NXPE3: variants seen among roughly 807,000 people sequenced by gnomAD.
The protein encoded by NXPE3 is NXPE family member 3.
NXPE3 carries 26 observed loss-of-function variants against 46.1 expected under a neutral mutation model. The ratio of observed to expected loss-of-function variants is 0.56; its 90% CI spans 0.41 to 0.78. NXPE3 has a LOEUF of 0.78. NXPE3 is among the 30% of genes least tolerant of loss of function. NXPE3 has a pLI of 0.00. For synonymous variants in NXPE3, 272 were observed against 257.9 expected (o/e 1.05, Z -0.52); for missense variants, 620 against 686.0 (o/e 0.90, Z 1.07).
Position 101,786,244 on chromosome 3 carries a change from C to G in NXPE3, c.93+555C>G, listed in dbSNP as rs371177914. On this transcript the variant is annotated intron_variant, in intron 4 of 7. Transcript: ENST00000273347. ...CCTTCTTCCCTGTCCCCAGCCCCAA[C>G]ATGAACTCATATAACCAAAATTTAT... Among the ~76,000 whole-genome samples, 6 of 152,322 alleles carry G rather than the reference C, an allele frequency of 3.9e-5. No individual in the cohort carries two copies. The East Asian group carries it at 1.2e-3, about 29-fold the overall frequency.
At chr3:101,796,765 G>C (rs1027748321) in intron 4 of NXPE3, among the ~76,000 whole-genome samples, 1 of 152,164 alleles carries the variant, frequency 6.6e-6, no homozygotes, top group African/African-American at 2.4e-5. Context: ...GTGTATGTTA[G>C]TATAAAATCA....
chr3:101,811,729 T>A (rs1266738637), intron 6 of NXPE3, among the ~76,000 whole-genome samples: 1 of 135,436 alleles, frequency 7.4e-6, no homozygotes, highest in African/African-American at 2.9e-5. Flanking sequence ...AGTAGTTAAT[T>A]TTTTTTTTTT....
chr3:101,817,131 C>A, intron 7 of NXPE3, 130 bp downstream of exon 7: 1 of 779,874 alleles, frequency 1.3e-6, no homozygotes, highest in South Asian at 1.6e-5. Context: ...TAAAGAGGTA[C>A]CCAAACCCTG....
In NXPE3 at chr3:101,825,593, A is replaced by G. The variant is rs1255387736; in HGVS notation, c.*3639A>G. ...TTTCTTGCAGGTTTTTTAACCATAT[A>G]CTTATAGAGAATATGTAATTTGGGT... On this transcript the variant is annotated 3_prime_UTR_variant, in exon 8 of 8. Transcript: ENST00000273347. The G allele has an allele frequency of 6.6e-6, 1 of 152,144 alleles. No homozygotes were observed. The allele number at this position is 152,144 out of a possible 1,614,324, so 9.4% of individuals were successfully genotyped here.
chr3:101,798,777 T>A (rs1458874365), intron 4 of NXPE3, among the ~76,000 whole-genome samples: 1 of 151,780 alleles, frequency 6.6e-6, no homozygotes, highest in Non-Finnish European at 1.5e-5. Context: ...CACACCCAGC[T>A]AAATTTTTGT....
chr3:101,781,854 T>A (rs1939842147), intron 1 of NXPE3: 1 of 152,212 alleles, frequency 6.6e-6, no homozygotes, highest in African/African-American at 2.4e-5. Flanking sequence ...TTCACTTATA[T>A]CGCTGTTTAT....
intron 1 of NXPE3, among the ~76,000 whole-genome samples, chr3:101,781,160 G>A (rs1437245702): frequency 6.6e-6 from 1 of 152,122 alleles, no homozygotes. Flanking sequence ...TATATATTCT[G>A]AACTAAAGTT....
At position 101,827,532 on chromosome 3, in the gene NXPE3, C is replaced by T. The variant is rs3888027; in HGVS notation, c.*5578C>T. 2.0e-5 allele frequency: 3 copies of T among 152,260 alleles called. No individual in the cohort carries two copies. Among genetic ancestry groups the T allele is most frequent in the Non-Finnish European group, 2.9e-5 (2 of 68,052 alleles). 9.4% of individuals were successfully genotyped at this position (152,260 alleles called of 1,614,324 possible). ...GGTAACTCCCTCCACCCGCCCACTG[C>T]ACCCTCACGTTTAGGGGCCACACAG... On this transcript the variant is annotated 3_prime_UTR_variant, in exon 8 of 8. Coordinates refer to ENST00000273347, the MANE Select transcript of NXPE3 (RefSeq NM_145037.4).
At chr3:101,797,574 C>A (rs1410544143) in intron 4 of NXPE3, among the ~76,000 whole-genome samples, 1 of 108,218 alleles carries the variant, frequency 9.2e-6, no homozygotes, top group Non-Finnish European at 1.9e-5. Flanking sequence ...TCCCTCCCCC[C>A]TCCCCCGACC....
rs2107372048 is a variant in NXPE3, at chr3:101,823,886, G to A, written c.*1932G>A. ...TGGGCGGATTGCTTGAGCCCGGAAG[G>A]TCAAGACCAGCCTGGGTGCCATGGT... On this transcript the variant is annotated 3_prime_UTR_variant, in exon 8 of 8. Transcript: ENST00000273347. 6.6e-6 allele frequency: 1 copy of A among 151,790 alleles called. No individual in the cohort carries two copies. Among genetic ancestry groups the A allele is most frequent in the South Asian group, 2.1e-4 (1 of 4,796 alleles). The allele number at this position is 151,790 out of a possible 1,614,324, so 9.4% of individuals were successfully genotyped here. A position where few individuals can be genotyped will look rare whatever the true frequency, so the allele number is the denominator to read the frequency against.
chr3:101,805,309 TTAAC>T (rs1237331753), intron 5 of NXPE3, among the ~76,000 whole-genome samples: 1 of 152,140 alleles, frequency 6.6e-6, no homozygotes, highest in Non-Finnish European at 1.5e-5. Context: ...CTTTTTAATT[TTAAC>T]TAATCTAATC....
At chr3:101,801,073 T>C (rs1352818801) in intron 4 of NXPE3, among the ~76,000 whole-genome samples, 162 bp from the exon 5 acceptor site, 1 of 152,148 alleles carries the variant, frequency 6.6e-6, no homozygotes, top group Admixed American at 6.5e-5. Flanking sequence ...CCCTTTCTCT[T>C]CCCGGAAGCC....
intron 4 of NXPE3, among the ~76,000 whole-genome samples, chr3:101,792,581 T>C (rs1460645188): frequency 6.6e-6 from 1 of 152,166 alleles, no homozygotes; most frequent in Non-Finnish European, 1.5e-5. Flanking sequence ...CATAAATGTG[T>C]GGCCTTGTTT....
chr3:101,813,202 A>G (rs954912728), intron 6 of NXPE3, among the ~76,000 whole-genome samples: 1 of 152,172 alleles, frequency 6.6e-6, no homozygotes, highest in Non-Finnish European at 1.5e-5. Flanking sequence ...GGTGCAGGGA[A>G]TTGGTTGATC....
intron 5 of NXPE3, among the ~76,000 whole-genome samples, chr3:101,806,496 A>G (rs910605413): frequency 6.6e-6 from 1 of 152,052 alleles, no homozygotes; most frequent in Non-Finnish European, 1.5e-5. Context: ...GTTTTATTTT[A>G]TTTTATTTTT....
intron 4 of NXPE3, among the ~76,000 whole-genome samples, chr3:101,789,176 A>G (rs1191836811): frequency 6.6e-6 from 1 of 152,012 alleles, no homozygotes; most frequent in African/African-American, 2.4e-5. Context: ...GTCTCGTCCT[A>G]GTTTCTTAAA....
At chr3:101,807,272 A>C in intron 6 of NXPE3, 146 bp downstream of exon 6, 6 of 626,436 alleles carry the variant, frequency 9.6e-6, no homozygotes, top group Non-Finnish European at 1.4e-5. Context: ...TTTGATTAAA[A>C]AAATCAGATC....
chr3:101,793,157 C>T (rs1940615752), intron 4 of NXPE3, among the ~76,000 whole-genome samples: 2 of 152,120 alleles, frequency 1.3e-5, no homozygotes, highest in East Asian at 1.9e-4. Flanking sequence ...ACTAGAGGAG[C>T]TTTTGGGCTG....
chr3:101,781,972 C>T (rs576024333), intron 1 of NXPE3, 138 bp from the exon 2 acceptor site: 5 of 152,180 alleles, frequency 3.3e-5, no homozygotes, highest in African/African-American at 4.8e-5. Context: ...GAAAAGGAAA[C>T]GTTCCTATGC....
Sources: gnomAD v4.1 joint callset for allele counts (sites outside exome capture counted in the v4.1 genomes callset) on GRCh38, gnomAD v4.1.1 for gene constraint, MANE v1.5 for transcripts, NCBI Gene and HGNC (gene_info 2026-07-23, HGNC 2026-07-21) for gene names.